The following CNTN5 variants were observed in gnomAD, a reference collection of about 807,000 sequenced individuals.
CNTN5 encodes contactin-5.
In CNTN5, 77 loss-of-function variants were observed where a neutral mutation model predicts 129.1. The observed-to-expected ratio is 0.60, with a 90% confidence interval of 0.50 to 0.72. The LOEUF (loss-of-function observed/expected upper bound fraction) is 0.72, where lower values mean the gene tolerates loss of function less well. CNTN5 is among the 30% of genes least tolerant of loss of function. The probability of loss-of-function intolerance (pLI) is 0.00; values close to 1 mark genes in which losing one functional copy is unlikely to be tolerated. For missense variants in CNTN5, 1,478 were observed against 1,328.8 expected (o/e 1.11, Z -1.75); for synonymous variants, 509 against 465.6 (o/e 1.09, Z -1.20).
At chr11:99,333,714 T>C (rs891010679) in intron 2 of CNTN5, among the ~76,000 whole-genome samples, 2 of 152,034 alleles carry the variant, frequency 1.3e-5, no homozygotes, top group African/African-American at 2.4e-5. Flanking sequence ...TAGGAAATCA[T>C]ATTCTAAGAT....
At chr11:99,853,208 A>T (rs1947928847) in intron 6 of CNTN5, among the ~76,000 whole-genome samples, 2 of 152,116 alleles carry the variant, frequency 1.3e-5, no homozygotes, top group South Asian at 2.1e-4. Flanking sequence ...GAGTCAAAGA[A>T]ACAACAATTA....
intron 3 of CNTN5, among the ~76,000 whole-genome samples, chr11:99,566,744 G>C (rs1369324832): frequency 6.6e-6 from 1 of 152,080 alleles, no homozygotes; most frequent in Non-Finnish European, 1.5e-5. Context: ...TGAGATCAGG[G>C]GAAATAATGC....
intron 2 of CNTN5, among the ~76,000 whole-genome samples, chr11:99,505,426 T>A (rs1946582906): frequency 6.6e-6 from 1 of 152,212 alleles, no homozygotes; most frequent in Non-Finnish European, 1.5e-5. Flanking sequence ...GTATGCAGGA[T>A]AATTTACAGA....
intron 2 of CNTN5, among the ~76,000 whole-genome samples, chr11:99,464,715 T>C (rs1334311358): frequency 6.6e-6 from 1 of 152,186 alleles, no homozygotes; most frequent in African/African-American, 2.4e-5. Context: ...TACATTTGGA[T>C]TAATTTGAGG....
chr11:99,784,649 A>G (rs998211424), intron 3 of CNTN5, among the ~76,000 whole-genome samples: 4 of 152,172 alleles, frequency 2.6e-5, no homozygotes, highest in South Asian at 2.1e-4. Context: ...GAATTGCCAC[A>G]CTGTCTTCCG....
At chr11:100,102,831 C>G (rs1945276127) in intron 13 of CNTN5, among the ~76,000 whole-genome samples, 1 of 152,080 alleles carries the variant, frequency 6.6e-6, no homozygotes, top group Non-Finnish European at 1.5e-5. Context: ...TACCAGCAAT[C>G]TGAACATTAG....
Position 99,927,978 on chromosome 11 carries a change from G to T in CNTN5, c.673+11829G>T, listed in dbSNP as rs1950102158. Among the ~76,000 whole-genome samples, 8 of 152,134 alleles carry T rather than the reference G, an allele frequency of 5.3e-5. No homozygotes were observed. The South Asian group carries it at 1.7e-3, about 32-fold the overall frequency. ...GTTAGTTACTTCCTACATACTATGGGGGTACAGGCATTGGATAATTACACC... is the reference window on the plus strand; with the variant it reads ...GTTAGTTACTTCCTACATACTATGGTGGTACAGGCATTGGATAATTACACC... On this transcript the variant is annotated intron_variant, in intron 7 of 24. Transcript: ENST00000524871.
At chr11:99,226,176 C>A (rs1860675123) in intron 1 of CNTN5, among the ~76,000 whole-genome samples, 1 of 152,140 alleles carries the variant, frequency 6.6e-6, no homozygotes, top group Non-Finnish European at 1.5e-5. Flanking sequence ...TAGGCTCTGG[C>A]AAAGTAACTA....
chr11:99,082,271 C>T (rs1462012539), intron 1 of CNTN5, among the ~76,000 whole-genome samples: 4 of 151,568 alleles, frequency 2.6e-5, no homozygotes, highest in Admixed American at 6.6e-5. Flanking sequence ...CTACAACCTC[C>T]GCCTCCTGGG....
At chr11:99,069,805 A>G (rs1051685175) in intron 1 of CNTN5, among the ~76,000 whole-genome samples, 1 of 152,182 alleles carries the variant, frequency 6.6e-6, no homozygotes, top group African/African-American at 2.4e-5. Flanking sequence ...CCTACTAAAC[A>G]TATAAACCTC....
At chr11:99,627,756 C>T (rs1291905711) in intron 3 of CNTN5, among the ~76,000 whole-genome samples, 2 of 151,596 alleles carry the variant, frequency 1.3e-5, no homozygotes, top group East Asian at 3.9e-4. Context: ...TCTGGGCCAG[C>T]CAGGCATTGA....
At chr11:99,221,668 A>G (rs186530579) in intron 1 of CNTN5, among the ~76,000 whole-genome samples, 14 of 152,078 alleles carry the variant, frequency 9.2e-5, no homozygotes, top group Middle Eastern at 3.4e-3. Flanking sequence ...AGTACATTCT[A>G]TAAGTTGAAA....
intron 1 of CNTN5, among the ~76,000 whole-genome samples, chr11:99,271,925 C>A (rs934356025): frequency 6.6e-6 from 1 of 151,802 alleles, no homozygotes; most frequent in South Asian, 2.1e-4. Context: ...CGATGTTCAG[C>A]CTGTTAGAAG....
At chr11:100,000,008 G>C (rs1591548753) in intron 8 of CNTN5, among the ~76,000 whole-genome samples, 2 of 150,580 alleles carry the variant, frequency 1.3e-5, no homozygotes, top group African/African-American at 4.9e-5. Flanking sequence ...GGACTGTTGT[G>C]GGGTGTGGGG....
intron 2 of CNTN5, among the ~76,000 whole-genome samples, chr11:99,335,400 A>AT (rs1235672926): frequency 2.0e-5 from 3 of 152,144 alleles, no homozygotes; most frequent in South Asian, 2.1e-4. Context: ...AATTCTAGAC[A>AT]TTTTTTATAA....
At chr11:99,165,896 C>T (rs71474511) in intron 1 of CNTN5, among the ~76,000 whole-genome samples, 5 of 152,226 alleles carry the variant, frequency 3.3e-5, no homozygotes, top group East Asian at 1.9e-4. Context: ...GACTTAGACC[C>T]GTCATCTGAG....
intron 6 of CNTN5, among the ~76,000 whole-genome samples, chr11:99,883,098 C>T (rs1948813871): frequency 6.6e-6 from 1 of 152,076 alleles, no homozygotes. Context: ...TGTATAAGTA[C>T]CACATTTTCT....
At chr11:99,161,689 C>G (rs1860617790) in intron 1 of CNTN5, among the ~76,000 whole-genome samples, 1 of 152,062 alleles carries the variant, frequency 6.6e-6, no homozygotes, top group Admixed American at 6.6e-5. Flanking sequence ...TTTTCTAAAG[C>G]CATTTTCCCC....
chr11:100,176,856 GT>G (rs2138432178), intron 13 of CNTN5, among the ~76,000 whole-genome samples: 1 of 80,976 alleles, frequency 1.2e-5, no homozygotes, highest in Non-Finnish European at 2.4e-5. Context: ...AGTATGGTGT[GT>G]GTGTGTGTGT....
Sources: allele counts gnomAD v4.1 joint callset (sites outside exome capture counted in the v4.1 genomes callset), GRCh38; gene constraint gnomAD v4.1.1; transcripts MANE v1.5; gene names NCBI Gene and HGNC (gene_info 2026-07-23, HGNC 2026-07-21).